The following CACNB4 variants were observed in gnomAD, a reference collection of about 807,000 sequenced individuals.
CACNB4 encodes calcium voltage-gated channel auxiliary subunit beta 4.
CACNB4 carries 32 observed loss-of-function variants against 71.2 expected under a neutral mutation model. The observed-to-expected ratio is 0.45, with a 90% CI of 0.34 to 0.60. The LOEUF is 0.60. Among genes scored for constraint, CACNB4 ranks in the 20% least tolerant of loss-of-function variants. The pLI, the probability that CACNB4 is intolerant of heterozygous loss-of-function variation, is 0.01. For synonymous variants in CACNB4, 231 were observed against 236.9 expected (o/e 0.97, Z 0.23); for missense variants, 464 against 647.9 (o/e 0.72, Z 3.08).
At chr2:151,987,076 G>A (rs1681411372) in intron 2 of CACNB4, among the ~76,000 whole-genome samples, 1 of 152,064 alleles carries the variant, frequency 6.6e-6, no homozygotes. Flanking sequence ...TCCATTAGTG[G>A]GAAATTCATT....
chr2:151,915,588 G>C (rs2099857268), intron 2 of CACNB4, among the ~76,000 whole-genome samples: 2 of 152,138 alleles, frequency 1.3e-5, no homozygotes, highest in Admixed American at 1.3e-4. Flanking sequence ...CATGCATATA[G>C]TCCCAGCACT....
chr2:151,973,853 A>T, intron 2 of CACNB4: 1 of 1,480,814 alleles, frequency 6.8e-7, no homozygotes, highest in Non-Finnish European at 9.0e-7. Context: ...ACCAGGCAAG[A>T]TGCTATTCAT....
intron 2 of CACNB4, among the ~76,000 whole-genome samples, chr2:151,985,140 A>G (rs1174641100): frequency 6.6e-6 from 1 of 152,226 alleles, no homozygotes; most frequent in Admixed American, 6.5e-5. Context: ...CAAAAGAGTA[A>G]GAAGACAAGA....
rs771288220 is a variant in CACNB4, at chr2:151,842,022, G to C, written c.1183C>G (p.Leu395Val). The C allele has an allele frequency of 1.2e-6, 2 of 1,613,804 alleles. No individual in the cohort carries two copies. The highest frequency in any genetic ancestry group is 1.7e-6 in the Non-Finnish European group (2 of 1,179,756). ...EDACEHLGEY[L>V]EAYWRATHTT... is the part of the protein sequence containing the mutation. ...TGGGTGGCACGCCAGTACGCCTCCAGGTACTCCCCTAGATGTTCACATGCA... is the reference window on the plus strand; with the variant it reads ...TGGGTGGCACGCCAGTACGCCTCCACGTACTCCCCTAGATGTTCACATGCA... Residue 395 changes from leucine to valine, a missense_variant, in exon 13 of 14, where the codon CTG (leucine) becomes GTG (valine). Around this residue, in one of 3 missense-constraint regions of CACNB4, gnomAD observed 299 missense variants for 471.7 expected, o/e 0.63. Transcript: ENST00000539935.
At chr2:152,034,279 T>C (rs1266828339) in intron 2 of CACNB4, among the ~76,000 whole-genome samples, 3 of 152,190 alleles carry the variant, frequency 2.0e-5, no homozygotes, top group African/African-American at 4.8e-5. Context: ...AAAATACTTC[T>C]ATGCTGGACA....
At chr2:151,923,692 A>C (rs1159865052) in intron 2 of CACNB4, among the ~76,000 whole-genome samples, 2 of 152,236 alleles carry the variant, frequency 1.3e-5, no homozygotes, top group African/African-American at 4.8e-5. Flanking sequence ...CTCATTTACA[A>C]AATGCAAGAA....
At chr2:151,955,101 C>T (rs1034242229) in intron 2 of CACNB4, among the ~76,000 whole-genome samples, 3 of 152,094 alleles carry the variant, frequency 2.0e-5, no homozygotes, top group Non-Finnish European at 4.4e-5. Flanking sequence ...GTGATCCGCC[C>T]ACCTCAGCCT....
chr2:151,877,382 G>C (rs1440146645), intron 4 of CACNB4, among the ~76,000 whole-genome samples: 1 of 152,134 alleles, frequency 6.6e-6, no homozygotes, highest in African/African-American at 2.4e-5. Flanking sequence ...GCTATAGTTT[G>C]TGAATCCCTG....
chr2:151,979,191 CA>C (rs1292132002), intron 2 of CACNB4, among the ~76,000 whole-genome samples: 5 of 152,056 alleles, frequency 3.3e-5, no homozygotes, highest in African/African-American at 1.2e-4. Context: ...AGAGGAAGAA[CA>C]GCAGAGAGAA....
intron 8 of CACNB4, chr2:151,870,233 T>C: frequency 1.4e-6 from 1 of 702,622 alleles, no homozygotes; most frequent in South Asian, 1.5e-5. Flanking sequence ...TCAAGACAGA[T>C]AAAGTCCTTT....
intron 2 of CACNB4, among the ~76,000 whole-genome samples, chr2:152,002,083 G>A (rs1446542320): frequency 1.3e-5 from 2 of 152,200 alleles, no homozygotes; most frequent in Non-Finnish European, 2.9e-5. Context: ...TTCCGTGTGT[G>A]CTTCAGGCAT....
At chr2:151,971,425 G>A (rs1410767369) in intron 2 of CACNB4, 1 of 693,500 alleles carries the variant, frequency 1.4e-6, no homozygotes, top group Non-Finnish European at 2.6e-6. Context: ...GCCGTACTCA[G>A]CTTTTAGTGC....
Position 151,876,470 on chromosome 2 carries a change from G to A in CACNB4, c.477C>T (p.Asn159=). 3.1e-6 allele frequency: 5 copies of A among 1,604,388 alleles called. No individual in the cohort carries two copies. The highest frequency in any genetic ancestry group is 2.2e-5 in the East Asian group (1 of 44,526). ...TTTTTTGTTCTTGCTGGATCCGTAT[G>A]TTCTCCAATCTGAGTGGACTTGGAA... ...GFIPSPLRLE[N]IRIQQEQKRG... is the part of the protein sequence containing the mutation. Residue 159 remains asparagine, a synonymous_variant, in exon 5 of 14, where the codon AAC becomes AAT. Transcript: ENST00000539935.
intron 2 of CACNB4, among the ~76,000 whole-genome samples, chr2:151,910,925 C>T (rs2099856006): frequency 2.0e-5 from 3 of 152,180 alleles, no homozygotes; most frequent in South Asian, 4.1e-4. Context: ...TTCTTCCTAT[C>T]CATGAGGATG....
At chr2:152,063,876 A>T (rs1208956139) in intron 2 of CACNB4, among the ~76,000 whole-genome samples, 1 of 152,200 alleles carries the variant, frequency 6.6e-6, no homozygotes, top group Non-Finnish European at 1.5e-5. Flanking sequence ...AAAGTTGAAA[A>T]TTCAGACTCG....
At chr2:152,065,043 T>C (rs963004484) in intron 2 of CACNB4, among the ~76,000 whole-genome samples, 1 of 152,218 alleles carries the variant, frequency 6.6e-6, no homozygotes, top group Non-Finnish European at 1.5e-5. Flanking sequence ...CACCTTTCCA[T>C]GCATACTCTT....
At chr2:151,905,753 C>G (rs1357825562) in intron 2 of CACNB4, among the ~76,000 whole-genome samples, 1 of 152,182 alleles carries the variant, frequency 6.6e-6, no homozygotes, top group Non-Finnish European at 1.5e-5. Flanking sequence ...AGAGATCAAC[C>G]AGAAAGGCAA....
chr2:151,855,157 A>C, intron 11 of CACNB4, 67 bp downstream of exon 11: 1 of 1,169,078 alleles, frequency 8.6e-7, no homozygotes, highest in Non-Finnish European at 1.2e-6. Context: ...CTAACAAAAA[A>C]CCACAGAGCA....
intron 2 of CACNB4, among the ~76,000 whole-genome samples, chr2:151,901,019 G>A (rs1265592469): frequency 3.2e-4 from 36 of 112,590 alleles, no homozygotes; most frequent in African/African-American, 1.3e-3. Flanking sequence ...TTTGAGATAC[G>A]GTCTCATTCT....
Sources: allele counts gnomAD v4.1 joint callset (sites outside exome capture counted in the v4.1 genomes callset), GRCh38; gene constraint gnomAD v4.1.1; regional missense constraint gnomAD v4.1.1; transcripts MANE v1.5; gene names NCBI Gene and HGNC (gene_info 2026-07-23, HGNC 2026-07-21).